The following GPC5 variants were observed in gnomAD, a reference collection of about 807,000 sequenced individuals.
The protein encoded by GPC5 is glypican 5, also known as glypican-5.
Under a neutral mutation model 53.9 loss-of-function variants are expected in GPC5, and 47 were observed. The ratio of observed to expected loss-of-function variants is 0.87; its 90% CI spans 0.69 to 1.11. The LOEUF is 1.11. Ranked by LOEUF, GPC5 falls within the 50% of genes most tolerant of loss-of-function variation. The pLI, the probability that GPC5 is intolerant of heterozygous loss-of-function variation, is 0.00. For missense variants in GPC5, 748 were observed against 713.1 expected (o/e 1.05, Z -0.56); for synonymous variants, 286 against 263.3 (o/e 1.09, Z -0.84).
intron 7 of GPC5, among the ~76,000 whole-genome samples, chr13:92,813,488 C>T (rs1485757770): frequency 6.6e-6 from 1 of 151,904 alleles, no homozygotes; most frequent in Non-Finnish European, 1.5e-5. Flanking sequence ...TGCCCTTTTC[C>T]CTCCATAGTT....
chr13:92,494,368 C>G (rs7985945), intron 7 of GPC5, among the ~76,000 whole-genome samples: 89,029 of 151,932 alleles, frequency 0.59, 26,793 homozygotes, highest in East Asian at 0.75. Flanking sequence ...GGATTACAGG[C>G]GTGAGCCACC....
chr13:91,815,105 C>A (rs2038379951), intron 5 of GPC5, among the ~76,000 whole-genome samples: 1 of 152,110 alleles, frequency 6.6e-6, no homozygotes, highest in South Asian at 2.1e-4. Flanking sequence ...GTGGCTCACA[C>A]CTGTAATCCC....
intron 7 of GPC5, among the ~76,000 whole-genome samples, chr13:92,296,659 A>G (rs1032582992): frequency 2.0e-5 from 3 of 152,054 alleles, no homozygotes; most frequent in Admixed American, 6.5e-5. Flanking sequence ...GCAGGGAGGT[A>G]TGGAGGGAGA....
At chr13:91,431,094 G>T (rs1363540467) in intron 1 of GPC5, among the ~76,000 whole-genome samples, 3 of 152,108 alleles carry the variant, frequency 2.0e-5, no homozygotes, top group Non-Finnish European at 4.4e-5. Flanking sequence ...GCCCAGGTTG[G>T]TCTCAAACTC....
intron 7 of GPC5, among the ~76,000 whole-genome samples, chr13:92,608,525 C>T (rs1232454980): frequency 1.3e-5 from 2 of 152,052 alleles, no homozygotes; most frequent in Non-Finnish European, 2.9e-5. Context: ...GATTTTTAAA[C>T]TTAAATGCAT....
intron 7 of GPC5, among the ~76,000 whole-genome samples, chr13:92,675,513 GA>G (rs1032612862): frequency 2.6e-5 from 4 of 151,868 alleles, no homozygotes; most frequent in African/African-American, 9.7e-5. Context: ...ACAATGATAT[GA>G]TTCATAATTC....
intron 7 of GPC5, among the ~76,000 whole-genome samples, chr13:92,347,533 C>T (rs1430572115): frequency 1.3e-5 from 2 of 151,712 alleles, no homozygotes; most frequent in Non-Finnish European, 2.9e-5. Context: ...GTAAGAGTTG[C>T]TAAAAGGACT....
At chr13:91,960,427 T>C (rs1424285576) in intron 6 of GPC5, among the ~76,000 whole-genome samples, 1 of 151,896 alleles carries the variant, frequency 6.6e-6, no homozygotes. Flanking sequence ...AAACTAAACA[T>C]GAACAAATGG....
At chr13:91,537,813 C>T (rs1054775377) in intron 2 of GPC5, among the ~76,000 whole-genome samples, 1 of 152,128 alleles carries the variant, frequency 6.6e-6, no homozygotes, top group African/African-American at 2.4e-5. Context: ...TGAAAATATA[C>T]AACATTACCA....
chr13:92,703,052 A>ATATATT (rs997997917), intron 7 of GPC5, among the ~76,000 whole-genome samples: 38 of 145,802 alleles, frequency 2.6e-4, no homozygotes, highest in African/African-American at 7.8e-4. Flanking sequence ...GCATATATAT[A>ATATATT]TATTTATTTA....
At chr13:91,623,834 G>T (rs1478019440) in intron 2 of GPC5, among the ~76,000 whole-genome samples, 2 of 152,212 alleles carry the variant, frequency 1.3e-5, no homozygotes, top group East Asian at 3.9e-4. Flanking sequence ...ATTTAGGCAA[G>T]ACTGCATGGG....
In GPC5 at chr13:91,407,523, A is replaced by C. The variant is rs557462327; in HGVS notation, c.163+8314A>C. On this transcript the variant is annotated intron_variant, in intron 1 of 7. Coordinates refer to ENST00000377067, the MANE Select transcript of GPC5 (RefSeq NM_004466.6). ...AGAAAAATAAAGATGAGCAGTTATAATTTGCATTTGGCTCTGGAATGGTTG... is the reference window on the plus strand; with the variant it reads ...AGAAAAATAAAGATGAGCAGTTATACTTTGCATTTGGCTCTGGAATGGTTG... 1.6e-4 allele frequency among the ~76,000 whole-genome samples: 24 copies of C among 152,326 alleles called. No homozygotes were observed. In the South Asian group the frequency reaches 4.4e-3, roughly 28 times the overall value.
At chr13:92,184,541 C>A (rs2042170701) in intron 7 of GPC5, among the ~76,000 whole-genome samples, 1 of 152,168 alleles carries the variant, frequency 6.6e-6, no homozygotes, top group African/African-American at 2.4e-5. Flanking sequence ...TAACTAAGAG[C>A]AACCTTCCAA....
At chr13:92,499,073 A>C (rs1880090059) in intron 7 of GPC5, among the ~76,000 whole-genome samples, 1 of 152,170 alleles carries the variant, frequency 6.6e-6, no homozygotes, top group African/African-American at 2.4e-5. Context: ...GAAGAAAAAT[A>C]GAGAGGATCC....
chr13:92,291,881 T>C (rs1273136444), intron 7 of GPC5, among the ~76,000 whole-genome samples: 2 of 152,088 alleles, frequency 1.3e-5, no homozygotes, highest in Non-Finnish European at 2.9e-5. Context: ...GCTTCACTCT[T>C]GAGCCAGTGA....
intron 5 of GPC5, among the ~76,000 whole-genome samples, chr13:91,882,667 T>TC (rs762494701): frequency 1.0e-5 from 1 of 96,776 alleles, no homozygotes; most frequent in East Asian, 3.0e-4. Context: ...GTTTGTTTTT[T>TC]GGGTTTTTTT....
rs567428141 is a variant in GPC5, at chr13:91,625,558, T to C, written c.326-67629T>C. 2.0e-5 allele frequency among the ~76,000 whole-genome samples: 3 copies of C among 152,024 alleles called. No individual in the cohort carries two copies. The South Asian group carries it at 6.2e-4, about 32-fold the overall frequency. ...AAGAAGGGAGATGGGTAGAGAAAAA[T>C]GAAGTAAACAGACTTAATATCTAAA... On this transcript the variant is annotated intron_variant, in intron 2 of 7. Coordinates refer to ENST00000377067, the MANE Select transcript of GPC5 (RefSeq NM_004466.6).
chr13:92,855,721 C>T (rs962906820), intron 7 of GPC5, among the ~76,000 whole-genome samples: 5 of 151,636 alleles, frequency 3.3e-5, no homozygotes, highest in African/African-American at 1.2e-4. Flanking sequence ...CCACTATGAA[C>T]ATCTCAGTCC....
Position 92,750,190 on chromosome 13 carries a change from G to C in GPC5, c.1562-116092G>C, listed in dbSNP as rs183358626. Among the ~76,000 whole-genome samples the C allele has an allele frequency of 1.1e-3, 173 of 152,194 alleles. 1 individual carries two copies. The highest frequency in any genetic ancestry group is 4.0e-3 in the African/African-American group (166 of 41,532). The stretch of plus-strand genomic sequence containing the variant: ...TGTGTGAGAAGTCATAAAAGGTAGA[G>C]TCCTATTAATGCTAATTCCCAAGAC... On this transcript the variant is annotated intron_variant, in intron 7 of 7. Coordinates refer to ENST00000377067, the MANE Select transcript of GPC5 (RefSeq NM_004466.6).
Sources: allele counts gnomAD v4.1 joint callset (sites outside exome capture counted in the v4.1 genomes callset), GRCh38; gene constraint gnomAD v4.1.1; transcripts MANE v1.5; gene names NCBI Gene and HGNC (gene_info 2026-07-23, HGNC 2026-07-21).